The following CTIF variants were observed in gnomAD, a reference collection of about 807,000 sequenced individuals.
CTIF encodes the protein cap binding complex dependent translation initiation factor.
A neutral mutation model predicts 66.0 loss-of-function variants in CTIF; 21 were observed. The ratio of observed to expected loss-of-function variants is 0.32; its 90% CI spans 0.23 to 0.46. The LOEUF is 0.46. Ranked by LOEUF, CTIF falls within the 20% of genes least tolerant of loss-of-function variation. The pLI is 1.00. For missense variants in CTIF, 739 were observed against 812.7 expected, an observed-to-expected ratio of 0.91 and a Z score of 1.10; for synonymous variants, 345 against 326.4, an observed-to-expected ratio of 1.06 and a Z score of -0.62.
intron 10 of CTIF, among the ~76,000 whole-genome samples, chr18:48,843,417 G>A (rs993331325): frequency 2.6e-5 from 4 of 152,048 alleles, no homozygotes; most frequent in Admixed American, 6.5e-5. Flanking sequence ...CTCAGGTGCC[G>A]CCTGCGAGCC....
chr18:48,661,347 GGT>G (rs1289232668), intron 3 of CTIF, among the ~76,000 whole-genome samples: 1 of 152,228 alleles, frequency 6.6e-6, no homozygotes, highest in East Asian at 1.9e-4. Flanking sequence ...TGCTGAGTGA[GGT>G]CTGCAATAGA....
At position 48,861,066 on chromosome 18, in the gene CTIF, C is replaced by T. The variant is rs945865407; in HGVS notation, c.*1507C>T. 6.6e-5 allele frequency: 10 copies of T among 152,268 alleles called. No individual in the cohort carries two copies. The highest frequency in any genetic ancestry group is 2.4e-4 in the African/African-American group (10 of 41,446). 9.4% of individuals were successfully genotyped at this position (152,268 alleles called of 1,614,324 possible). A position where few individuals can be genotyped will look rare whatever the true frequency, so the allele number is the denominator to read the frequency against. ...CAGGCCCTGGGTCACTTTGGAGGCC[C>T]CTCTTGGTCCACACTGGACTGGCCG... is the stretch of plus-strand genomic sequence containing the variant. On this transcript the variant is annotated 3_prime_UTR_variant, in exon 12 of 12. Transcript: ENST00000256413.
intron 10 of CTIF, among the ~76,000 whole-genome samples, chr18:48,830,733 C>T (rs1175591171): frequency 1.1e-3 from 2 of 1,788 alleles, no homozygotes; most frequent in African/African-American, 4.5e-3. Context: ...GTTTCTCAGA[C>T]CCCCCCCCGA....
At chr18:48,560,636 C>A (rs1037366584) in intron 1 of CTIF, among the ~76,000 whole-genome samples, 4 of 152,036 alleles carry the variant, frequency 2.6e-5, no homozygotes, top group Admixed American at 2.6e-4. Flanking sequence ...AGTGGTGTGA[C>A]CTCAGCTCAC....
chr18:48,774,867 A>G (rs1910519372), intron 9 of CTIF, among the ~76,000 whole-genome samples: 1 of 152,202 alleles, frequency 6.6e-6, no homozygotes, highest in African/African-American at 2.4e-5. Context: ...TAATCGGAAT[A>G]AGTGCATTCT....
At chr18:48,709,032 T>C (rs574699487) in intron 6 of CTIF, among the ~76,000 whole-genome samples, 114 of 152,370 alleles carry the variant, frequency 7.5e-4, no homozygotes, top group African/African-American at 2.7e-3. Flanking sequence ...TGAGGCTTAC[T>C]ATGTACCAAG....
At chr18:48,725,199 T>C (rs1446540254) in intron 7 of CTIF, among the ~76,000 whole-genome samples, 1 of 152,200 alleles carries the variant, frequency 6.6e-6, no homozygotes, top group East Asian at 1.9e-4. Flanking sequence ...GCCTTTGAGC[T>C]GTGAGCTGCA....
chr18:48,817,840 C>A (rs2068402044), intron 10 of CTIF, among the ~76,000 whole-genome samples: 1 of 152,124 alleles, frequency 6.6e-6, no homozygotes, highest in Non-Finnish European at 1.5e-5. Context: ...CTTCTGCTCC[C>A]CAAAGCCAGG....
intron 10 of CTIF, among the ~76,000 whole-genome samples, chr18:48,819,427 C>A (rs1442229313): frequency 2.0e-5 from 3 of 152,246 alleles, no homozygotes; most frequent in African/African-American, 4.8e-5. Flanking sequence ...ATTGCCCCAA[C>A]ACGTTCCCTC....
chr18:48,714,484 G>C (rs2092260611), intron 7 of CTIF, among the ~76,000 whole-genome samples: 1 of 152,148 alleles, frequency 6.6e-6, no homozygotes, highest in African/African-American at 2.4e-5. Flanking sequence ...CCTGCAAAGT[G>C]GCTGGAGTTG....
At chr18:48,682,468 G>T (rs1251466129) in intron 6 of CTIF, among the ~76,000 whole-genome samples, 4 of 152,142 alleles carry the variant, frequency 2.6e-5, no homozygotes, top group African/African-American at 9.7e-5. Flanking sequence ...CCAGTGGTCT[G>T]CATTTTAACA....
intron 9 of CTIF, among the ~76,000 whole-genome samples, chr18:48,783,597 A>C (rs1218324370): frequency 6.6e-6 from 1 of 151,902 alleles, no homozygotes; most frequent in African/African-American, 2.4e-5. Context: ...GAGGCCTCCG[A>C]CCCTGGGGCT....
chr18:48,828,944 C>G (rs999954740), intron 10 of CTIF, among the ~76,000 whole-genome samples: 1 of 152,252 alleles, frequency 6.6e-6, no homozygotes, highest in Non-Finnish European at 1.5e-5. Flanking sequence ...CCTCTTATCT[C>G]CTGGGGCCAT....
intron 1 of CTIF, among the ~76,000 whole-genome samples, chr18:48,592,497 CAAAAAA>C (rs34825594): frequency 8.5e-6 from 1 of 117,644 alleles, no homozygotes. Context: ...AACCCTGTCT[CAAAAAA>C]AAAAAAAAAA....
intron 3 of CTIF, among the ~76,000 whole-genome samples, chr18:48,660,615 C>A (rs1598821359): frequency 6.6e-6 from 1 of 152,226 alleles, no homozygotes; most frequent in East Asian, 1.9e-4. Context: ...AGTCACCTCC[C>A]TTAGCCCAAG....
chr18:48,770,977 T>G (rs1910053836), intron 9 of CTIF, among the ~76,000 whole-genome samples: 1 of 152,092 alleles, frequency 6.6e-6, no homozygotes, highest in African/African-American at 2.4e-5. Context: ...TGCCTCAGTC[T>G]TGGGCAGCAT....
At chr18:48,730,246 C>CCCCTGA (rs1568170779) in intron 7 of CTIF, among the ~76,000 whole-genome samples, 17 of 143,682 alleles carry the variant, frequency 1.2e-4, no homozygotes, top group African/African-American at 4.4e-4. Context: ...GGGGCCTCCG[C>CCCCTGA]GGTGTGAGGG....
chr18:48,776,648 C>T (rs185663832), intron 9 of CTIF, among the ~76,000 whole-genome samples: 5 of 152,358 alleles, frequency 3.3e-5, no homozygotes, highest in Admixed American at 3.3e-4. Flanking sequence ...AGGCACCAGG[C>T]CCTCTCCAGC....
intron 3 of CTIF, among the ~76,000 whole-genome samples, chr18:48,663,269 G>A (rs943963197): frequency 1.3e-5 from 2 of 152,198 alleles, no homozygotes; most frequent in Non-Finnish European, 2.9e-5. Flanking sequence ...AGGGAACACT[G>A]GAGGATCGGC....
Sources: allele counts gnomAD v4.1 joint callset (sites outside exome capture counted in the v4.1 genomes callset), GRCh38; gene constraint gnomAD v4.1.1; transcripts MANE v1.5; gene names NCBI Gene and HGNC (gene_info 2026-07-23, HGNC 2026-07-21).